Variants in SEM1 observed in about 807,000 individuals in gnomAD.
SEM1 encodes the protein SEM1 26S proteasome subunit.
In SEM1, 3 loss-of-function variants were observed where a neutral mutation model predicts 12.7. The ratio of observed to expected loss-of-function variants is 0.24; its 90% CI spans 0.11 to 0.61. SEM1 has a LOEUF of 0.61. SEM1 is among the 20% of genes least tolerant of loss of function. The probability of loss-of-function intolerance (pLI) is 0.88; values close to 1 mark genes in which losing one functional copy is unlikely to be tolerated. For synonymous variants in SEM1, 30 were observed against 27.8 expected, an observed-to-expected ratio of 1.08 and a Z score of -0.25; for missense variants, 59 against 81.3, an observed-to-expected ratio of 0.73 and a Z score of 1.06.
chr7:96,650,777 C>CT (rs912316358), intron 2 of SEM1, among the ~76,000 whole-genome samples: 19 of 152,064 alleles, frequency 1.2e-4, no homozygotes, highest in African/African-American at 4.3e-4. Flanking sequence ...AAATTTCTCT[C>CT]TTTTTTAAAT....
At chr7:96,550,365 T>C (rs1805230960) in intron 2 of SEM1, among the ~76,000 whole-genome samples, 1 of 152,222 alleles carries the variant, frequency 6.6e-6, no homozygotes, top group Non-Finnish European at 1.5e-5. Context: ...CACTTGATAA[T>C]GGCAAATGCA....
At chr7:96,504,550 A>T (rs923159645) in intron 3 of SEM1, among the ~76,000 whole-genome samples, 5 of 152,104 alleles carry the variant, frequency 3.3e-5, no homozygotes, top group Non-Finnish European at 4.4e-5. Context: ...CTGAAGTATG[A>T]CATACGTTCT....
intron 2 of SEM1, among the ~76,000 whole-genome samples, chr7:96,598,831 G>A (rs946891767): frequency 2.0e-5 from 3 of 152,042 alleles, no homozygotes; most frequent in African/African-American, 4.8e-5. Flanking sequence ...AATAAAATTA[G>A]ATTAAAAAAA....
rs141664734 is a variant in SEM1 at position 96,615,000 on chromosome 7, TG to T, written c.170+79797del. On this transcript the variant is annotated intron_variant and NMD_transcript_variant, in intron 2 of 3. Coordinates refer to the SEM1 transcript ENST00000466986. ...CAAAATCTGACTTGTTGGCTGTTTT[TG>T]TAAGTAAAGGATTGTAGCAACACAG... 7.0e-3 allele frequency among the ~76,000 whole-genome samples: 1,073 copies of T among 152,308 alleles called. 12 individuals carry two copies. The highest frequency in any genetic ancestry group is 0.025 in the African/African-American group (1,022 of 41,560).
intron 2 of SEM1, among the ~76,000 whole-genome samples, chr7:96,652,945 G>C (rs1017604221): frequency 6.6e-6 from 1 of 152,168 alleles, no homozygotes; most frequent in African/African-American, 2.4e-5. Flanking sequence ...CAGCACCATG[G>C]TTTTGGAGAT....
chr7:96,689,511 C>T (rs1014902662), intron 2 of SEM1, among the ~76,000 whole-genome samples: 10 of 152,100 alleles, frequency 6.6e-5, no homozygotes, highest in African/African-American at 2.4e-4. Context: ...TAGTAGATGG[C>T]TAATCCATGA....
At chr7:96,610,564 A>T (rs1807509554) in intron 2 of SEM1, among the ~76,000 whole-genome samples, 1 of 152,236 alleles carries the variant, frequency 6.6e-6, no homozygotes, top group Non-Finnish European at 1.5e-5. Context: ...AGATTCAGCT[A>T]CTTGTGTCAG....
intron 1 of SEM1, among the ~76,000 whole-genome samples, chr7:96,488,815 T>G (rs1372530842): frequency 6.6e-6 from 1 of 152,036 alleles, no homozygotes; most frequent in Non-Finnish European, 1.5e-5. Context: ...CGTGCCAAAA[T>G]GAAGTGTATT....
intron 2 of SEM1, among the ~76,000 whole-genome samples, chr7:96,692,321 A>C: frequency 6.6e-6 from 1 of 152,204 alleles, no homozygotes; most frequent in South Asian, 2.1e-4. Flanking sequence ...AAATTTGACT[A>C]TTTTGAATGT....
At position 96,544,991 on chromosome 7, in the gene SEM1, C is replaced by T. The variant is rs542531248; in HGVS notation, c.171-38293G>A. Among the ~76,000 whole-genome samples the T allele has an allele frequency of 6.6e-5, 10 of 152,020 alleles. No homozygotes were observed. The East Asian group carries it at 1.9e-3, about 29-fold the overall frequency. On this transcript the variant is annotated intron_variant and NMD_transcript_variant, in intron 2 of 3. Coordinates refer to the SEM1 transcript ENST00000466986. ...TTCAAAACCCATGTTATTCAAGGGT[C>T]AGCTGTCTTTTAAAGGCTTATTTAT... is the stretch of plus-strand genomic sequence containing the variant.
At chr7:96,672,284 G>A (rs1398180294), downstream of SEM1, among the ~76,000 whole-genome samples, 1 of 152,192 alleles carries the variant, frequency 6.6e-6, no homozygotes, top group Non-Finnish European at 1.5e-5. Flanking sequence ...CCACTGAGCT[G>A]TAGAAGGTTG....
chr7:96,636,358 T>C (rs1248581496), intron 2 of SEM1, among the ~76,000 whole-genome samples: 1 of 151,558 alleles, frequency 6.6e-6, no homozygotes, highest in Non-Finnish European at 1.5e-5. Context: ...GGTGACTGGG[T>C]CATCATGAGC....
intron 1 of SEM1, chr7:96,496,143 G>C: frequency 1.9e-6 from 1 of 516,662 alleles, no homozygotes; most frequent in Non-Finnish European, 3.3e-6. Context: ...CCCAGAGCTC[G>C]ATTTGACTAA....
At chr7:96,613,405 A>G (rs977053371) in intron 2 of SEM1, among the ~76,000 whole-genome samples, 1 of 152,210 alleles carries the variant, frequency 6.6e-6, no homozygotes, top group Non-Finnish European at 1.5e-5. Context: ...AGAGTCAGGA[A>G]TTCATTTTTT....
At position 96,709,841 on chromosome 7, in the gene SEM1, G is replaced by A. The variant is rs138045757; in HGVS notation, c.-78C>T. The A allele has an allele frequency of 1.5e-4, 198 of 1,333,822 alleles. No homozygotes were observed. The Middle Eastern group carries it at 1.8e-3, about 12-fold the overall frequency. The allele number at this position is 1,333,822 out of a possible 1,614,324, so 82.6% of individuals were successfully genotyped here. On this transcript the variant is annotated 5_prime_UTR_variant, in exon 1 of 3. The change creates a new upstream start codon in the 5' untranslated region. Coordinates refer to ENST00000248566, the MANE Select transcript of SEM1 (RefSeq NM_006304.2). ...CACTCTTCCTCAAGGAAACGCCACC[G>A]TCACTACCGCCTCCGACGCTGACGC...
intron 2 of SEM1, among the ~76,000 whole-genome samples, chr7:96,577,983 T>G (rs990170672): frequency 2.3e-4 from 35 of 151,982 alleles, no homozygotes; most frequent in Non-Finnish European, 1.0e-4. Context: ...TCTTTAAGTA[T>G]TATTAAGAAG....
At chr7:96,623,432 C>A (rs1052357947) in intron 2 of SEM1, among the ~76,000 whole-genome samples, 5 of 147,342 alleles carry the variant, frequency 3.4e-5, no homozygotes, top group African/African-American at 1.2e-4. Flanking sequence ...TCTTCTCTCT[C>A]TATATATTTA....
At chr7:96,512,596 C>T (rs960308807) in intron 2 of SEM1, among the ~76,000 whole-genome samples, 8 of 152,044 alleles carry the variant, frequency 5.3e-5, no homozygotes, top group South Asian at 2.1e-4. Flanking sequence ...AAAAGGGAAA[C>T]GGGCTTGAGT....
At chr7:96,510,238 A>G (rs1031643227) in intron 2 of SEM1, among the ~76,000 whole-genome samples, 26 of 152,144 alleles carry the variant, frequency 1.7e-4, no homozygotes, top group Non-Finnish European at 2.9e-5. Flanking sequence ...ACAGTCATGT[A>G]TCACTTAACA....
Sources: allele counts gnomAD v4.1 joint callset (sites outside exome capture counted in the v4.1 genomes callset), GRCh38; gene constraint gnomAD v4.1.1; transcripts MANE v1.5; gene names NCBI Gene and HGNC (gene_info 2026-07-23, HGNC 2026-07-21).